PANK1: variants seen among roughly 807,000 people sequenced by gnomAD.
PANK1 encodes the protein pantothenate kinase 1, also known as pantothenic acid kinase 1.
A neutral mutation model predicts 40.1 loss-of-function variants in PANK1; 18 were observed. The observed-to-expected ratio is 0.45, with a 90% CI of 0.31 to 0.67. The LOEUF (loss-of-function observed/expected upper bound fraction) is 0.67. PANK1 is among the 30% of genes least tolerant of loss of function. PANK1 has a pLI of 0.06. For synonymous variants in PANK1, 242 were observed against 237.7 expected, an observed-to-expected ratio of 1.02 and a Z score of -0.17; for missense variants, 457 against 599.6, an observed-to-expected ratio of 0.76 and a Z score of 2.48.
chr10:89,626,094 G>A (rs1845652024), intron 1 of PANK1: 1 of 152,154 alleles, frequency 6.6e-6, no homozygotes, highest in Non-Finnish European at 1.5e-5. Flanking sequence ...TCTGCTTCAG[G>A]GGTTAAGGAG....
intron 3 of PANK1, among the ~76,000 whole-genome samples, chr10:89,594,681 A>G (rs1844511772): frequency 6.6e-6 from 1 of 152,238 alleles, no homozygotes; most frequent in African/African-American, 2.4e-5. Flanking sequence ...AACAGTAACA[A>G]AGGTCATAAA....
At chr10:89,602,571 A>C (rs991886558) in intron 2 of PANK1, among the ~76,000 whole-genome samples, 1 of 152,226 alleles carries the variant, frequency 6.6e-6, no homozygotes, top group African/African-American at 2.4e-5. Context: ...CAGACTTTGC[A>C]GTCCATTAGT....
intron 5 of PANK1, among the ~76,000 whole-genome samples, chr10:89,589,074 T>C (rs938347842): frequency 1.3e-5 from 2 of 152,192 alleles, no homozygotes; most frequent in Non-Finnish European, 2.9e-5. Flanking sequence ...TACGTATATA[T>C]ACAATTTTAA....
rs1403246985 is a variant in PANK1 at position 89,595,830 on chromosome 10, AAAAATAT to A, written c.900-1848_900-1842del. Among the ~76,000 whole-genome samples, 85 of 66,522 alleles carry A rather than the reference AAAAATAT, an allele frequency of 1.3e-3. 1 individual carries two copies. Among genetic ancestry groups the A allele is most frequent in the African/African-American group, 4.7e-3 (63 of 13,286 alleles). 43.6% of individuals were successfully genotyped at this position (66,522 alleles called of 152,430 possible). A position where few individuals can be genotyped will look rare whatever the true frequency, so the allele number is the denominator to read the frequency against. On this transcript the variant is annotated intron_variant, in intron 3 of 6. Coordinates refer to ENST00000307534, the MANE Select transcript of PANK1 (RefSeq NM_148977.3). ...GGACTCCATCTTAAAAAAAAAAAAA[AAAAATAT>A]ATATATATATATATATATATATATA...
At chr10:89,636,609 GC>G (rs1486746344) in intron 1 of PANK1, among the ~76,000 whole-genome samples, 1 of 151,678 alleles carries the variant, frequency 6.6e-6, no homozygotes, top group Admixed American at 6.6e-5. Context: ...ATGCCACCAT[GC>G]CTGGCTAATT....
At chr10:89,590,986 T>C (rs1255880742) in intron 5 of PANK1, among the ~76,000 whole-genome samples, 1 of 151,990 alleles carries the variant, frequency 6.6e-6, no homozygotes, top group Non-Finnish European at 1.5e-5. Flanking sequence ...GAATCTGCAC[T>C]GATGGATTAA....
intron 1 of PANK1, among the ~76,000 whole-genome samples, chr10:89,635,964 G>A (rs1841792252): frequency 6.6e-6 from 1 of 152,232 alleles, no homozygotes; most frequent in Non-Finnish European, 1.5e-5. Flanking sequence ...CACTGGAGCA[G>A]CAGTTGGGCC....
At chr10:89,624,323 T>C (rs185769063) in intron 1 of PANK1, among the ~76,000 whole-genome samples, 6 of 152,364 alleles carry the variant, frequency 3.9e-5, no homozygotes, top group African/African-American at 1.4e-4. Flanking sequence ...AGAAAATATA[T>C]GAACATTTAG....
intron 6 of PANK1, among the ~76,000 whole-genome samples, chr10:89,587,014 T>C (rs539275554): frequency 6.6e-6 from 1 of 151,972 alleles, no homozygotes; most frequent in Non-Finnish European, 1.5e-5. Context: ...TCCCAGCTAC[T>C]TGGGAGGCTG....
intron 1 of PANK1, among the ~76,000 whole-genome samples, chr10:89,632,868 AAT>A (rs1324538381): frequency 6.6e-6 from 1 of 152,172 alleles, no homozygotes; most frequent in African/African-American, 2.4e-5. Flanking sequence ...GTATTTGTAG[AAT>A]ACTTTCTTTC....
chr10:89,618,607 T>C (rs1371544955), intron 1 of PANK1, among the ~76,000 whole-genome samples: 1 of 152,224 alleles, frequency 6.6e-6, no homozygotes, highest in Non-Finnish European at 1.5e-5. Flanking sequence ...ATTTCTGGTC[T>C]CTTTCTTCCA....
chr10:89,637,657 T>A (rs1295390927), intron 1 of PANK1, among the ~76,000 whole-genome samples: 1 of 152,216 alleles, frequency 6.6e-6, no homozygotes. Flanking sequence ...TGAGTAAATG[T>A]GAAGGCCTAG....
At chr10:89,610,579 T>C (rs7910960) in intron 2 of PANK1, among the ~76,000 whole-genome samples, 82,570 of 151,992 alleles carry the variant, frequency 0.54, 23,303 homozygotes, top group South Asian at 0.63. Flanking sequence ...GGGGTTACTT[T>C]TGATGGCACA....
intron 1 of PANK1, among the ~76,000 whole-genome samples, chr10:89,632,200 A>T (rs1219294529): frequency 6.6e-6 from 1 of 152,194 alleles, no homozygotes; most frequent in Non-Finnish European, 1.5e-5. Context: ...ACACTTTCCA[A>T]AACGCTCACT....
chr10:89,591,882 G>C (rs1171780049), intron 5 of PANK1, among the ~76,000 whole-genome samples: 2 of 152,042 alleles, frequency 1.3e-5, no homozygotes, highest in African/African-American at 4.8e-5. Flanking sequence ...CCAGCAAAAA[G>C]CACAAGAAGC....
At chr10:89,631,978 T>G (rs7081580) in intron 1 of PANK1, among the ~76,000 whole-genome samples, 66 of 116,746 alleles carry the variant, frequency 5.7e-4, no homozygotes, top group Admixed American at 2.4e-3. Context: ...GTGTGTGTGT[T>G]TTTTTTTTTA....
intron 1 of PANK1, among the ~76,000 whole-genome samples, chr10:89,613,592 A>G (rs1316620814): frequency 2.0e-5 from 3 of 152,250 alleles, no homozygotes; most frequent in Admixed American, 2.0e-4. Flanking sequence ...ATAAAATTCC[A>G]GGCCCTCAAA....
intron 2 of PANK1, among the ~76,000 whole-genome samples, chr10:89,610,415 T>C (rs146416777): frequency 1.7e-4 from 26 of 151,810 alleles, no homozygotes; most frequent in African/African-American, 6.3e-4. Flanking sequence ...GTCATTTAAG[T>C]AAGTGGCAAG....
intron 1 of PANK1, among the ~76,000 whole-genome samples, chr10:89,613,610 G>C (rs1213681790): frequency 1.3e-5 from 2 of 152,216 alleles, no homozygotes; most frequent in African/African-American, 4.8e-5. Context: ...AAAAGATTAA[G>C]AGCAACAAAT....
Sources: gnomAD v4.1 joint callset for allele counts (sites outside exome capture counted in the v4.1 genomes callset) on GRCh38, gnomAD v4.1.1 for gene constraint, MANE v1.5 for transcripts, NCBI Gene and HGNC (gene_info 2026-07-23, HGNC 2026-07-21) for gene names.